The following STX17 variants were observed in gnomAD, a reference collection of about 807,000 sequenced individuals.
STX17 encodes the protein syntaxin 17.
Under a neutral mutation model 35.9 loss-of-function variants are expected in STX17, and 29 were observed. That is an observed-to-expected ratio of 0.81 (90% confidence interval 0.60 to 1.10). The LOEUF is 1.10. STX17 is among the 50% of genes least tolerant of loss of function. The pLI, the probability that STX17 is intolerant of heterozygous loss-of-function variation, is 0.00. For synonymous variants in STX17, 92 were observed against 118.3 expected (o/e 0.78, Z 1.44); for missense variants, 312 against 352.3 (o/e 0.89, Z 0.92).
chr9:99,940,193 C>T (rs1469682936), intron 3 of STX17, among the ~76,000 whole-genome samples: 2 of 151,684 alleles, frequency 1.3e-5, no homozygotes, highest in Non-Finnish European at 2.9e-5. Flanking sequence ...TTCAGTGGCA[C>T]GATCTCAGCT....
At chr9:99,958,744 G>A (rs1410309771) in intron 4 of STX17, among the ~76,000 whole-genome samples, 6 of 152,160 alleles carry the variant, frequency 3.9e-5, no homozygotes, top group Non-Finnish European at 8.8e-5. Flanking sequence ...TTTAATAAAT[G>A]TCAACTCAAT....
chr9:99,931,653 G>A (rs1193536743), intron 3 of STX17, among the ~76,000 whole-genome samples: 2 of 152,076 alleles, frequency 1.3e-5, no homozygotes, highest in African/African-American at 4.8e-5. Flanking sequence ...TACAAAGCTT[G>A]AGCTATTTAC....
intron 6 of STX17, among the ~76,000 whole-genome samples, chr9:99,961,048 G>A (rs535818845): frequency 6.6e-6 from 1 of 152,174 alleles, no homozygotes; most frequent in Non-Finnish European, 1.5e-5. Context: ...GCCTGTTCCA[G>A]ATTGACAAGT....
chr9:99,934,588 G>A (rs1173748082), intron 3 of STX17, among the ~76,000 whole-genome samples: 1 of 152,078 alleles, frequency 6.6e-6, no homozygotes, highest in African/African-American at 2.4e-5. Flanking sequence ...CTATGACTCT[G>A]GAGCCCTTAG....
At chr9:99,908,475 A>G (rs1409877399) in intron 1 of STX17, among the ~76,000 whole-genome samples, 1 of 152,160 alleles carries the variant, frequency 6.6e-6, no homozygotes. Flanking sequence ...ATTTATTTGT[A>G]TCCATGTGGA....
chr9:99,919,368 C>G (rs534943681), intron 2 of STX17, among the ~76,000 whole-genome samples: 69 of 152,244 alleles, frequency 4.5e-4, no homozygotes, highest in Middle Eastern at 3.4e-3. Flanking sequence ...ATTGGCCTCT[C>G]AAAGTGCTAG....
In STX17 at chr9:99,974,256, T is replaced by C. The variant is rs1335071282; in HGVS notation, c.*5583T>C. On this transcript the variant is annotated 3_prime_UTR_variant, in exon 8 of 8. Transcript: ENST00000259400. Reference sequence around the variant, plus strand: ...AATATTTGAGAAAGACATTCAATGGTACATGTTTTCTGTACACTTCATGAG... The same window carrying C: ...AATATTTGAGAAAGACATTCAATGGCACATGTTTTCTGTACACTTCATGAG... 3.3e-5 allele frequency among the ~76,000 whole-genome samples: 5 copies of C among 152,222 alleles called. No homozygotes were observed. The highest frequency in any genetic ancestry group is 1.2e-4 in the African/African-American group (5 of 41,456).
chr9:99,951,040 A>T lies in STX17; in HGVS notation c.190-20A>T, dbSNP rs775079821. ...CTTATACTAAGAAATGGTGGCATTA[A>T]TGATTTTTTTCTTTTATAGCAACTC... On this transcript the variant is annotated intron_variant, in intron 3 of 7. Transcript: ENST00000259400. The T allele has an allele frequency of 1.3e-6, 2 of 1,580,690 alleles. No homozygotes were observed. The highest frequency in any genetic ancestry group is 1.7e-6 in the Non-Finnish European group (2 of 1,164,152).
chr9:99,967,624 C>A, intron 6 of STX17, 29 bp from the exon 7 acceptor site: 1 of 1,605,622 alleles, frequency 6.2e-7, no homozygotes, highest in African/African-American at 1.3e-5. Context: ...CCCAGCAGGA[C>A]CGCTCACTCA....
chr9:99,933,737 G>A (rs1829172176), intron 3 of STX17, among the ~76,000 whole-genome samples: 1 of 152,036 alleles, frequency 6.6e-6, no homozygotes, highest in South Asian at 2.1e-4. Context: ...TTGAATCTGG[G>A]CAGAAGTAAA....
At chr9:99,907,714 G>A (rs1828579015) in intron 1 of STX17, among the ~76,000 whole-genome samples, 1 of 152,140 alleles carries the variant, frequency 6.6e-6, no homozygotes, top group Non-Finnish European at 1.5e-5. Flanking sequence ...AAGTAATACA[G>A]AGTTCCCTAT....
chr9:99,965,249 A>G (rs987199886), intron 6 of STX17, among the ~76,000 whole-genome samples: 19 of 149,422 alleles, frequency 1.3e-4, no homozygotes, highest in African/African-American at 4.4e-4. Context: ...AAAAATATTT[A>G]AATTATTTTA....
intron 3 of STX17, among the ~76,000 whole-genome samples, chr9:99,935,906 G>C (rs1039844135): frequency 1.3e-5 from 2 of 152,142 alleles, no homozygotes; most frequent in African/African-American, 4.8e-5. Context: ...GGTCAGTGTG[G>C]CTAGTGTGAG....
At chr9:99,956,639 G>A (rs200118759) in intron 4 of STX17, among the ~76,000 whole-genome samples, 1 of 152,150 alleles carries the variant, frequency 6.6e-6, no homozygotes. Context: ...TTGGCTATTT[G>A]CCATACTGTT....
chr9:99,936,131 C>T (rs1391491332), intron 3 of STX17, among the ~76,000 whole-genome samples: 2 of 152,040 alleles, frequency 1.3e-5, no homozygotes, highest in African/African-American at 4.8e-5. Flanking sequence ...ATGGCTATAC[C>T]ACTATACCAC....
At chr9:99,926,984 C>A (rs1167696085) in intron 2 of STX17, among the ~76,000 whole-genome samples, 1 of 152,182 alleles carries the variant, frequency 6.6e-6, no homozygotes, top group African/African-American at 2.4e-5. Context: ...AGGAATTATT[C>A]TACCTGTTCT....
intron 2 of STX17, among the ~76,000 whole-genome samples, chr9:99,919,005 A>G (rs1828839730): frequency 6.6e-6 from 1 of 152,178 alleles, no homozygotes; most frequent in Non-Finnish European, 1.5e-5. Flanking sequence ...TTTATTGTCC[A>G]GGCTTAATCT....
At chr9:99,928,412 CAATAAG>C (rs948182129) in intron 2 of STX17, among the ~76,000 whole-genome samples, 4 of 151,720 alleles carry the variant, frequency 2.6e-5, no homozygotes, top group Admixed American at 2.0e-4. Context: ...TCTTCATATA[CAATAAG>C]AATATCTTAT....
At chr9:99,921,941 A>G (rs1429260178) in intron 2 of STX17, among the ~76,000 whole-genome samples, 1 of 152,142 alleles carries the variant, frequency 6.6e-6, no homozygotes, top group East Asian at 1.9e-4. Flanking sequence ...CATTTTCCTC[A>G]GTAAAGAAGG....
Sources: allele counts gnomAD v4.1 joint callset (sites outside exome capture counted in the v4.1 genomes callset), GRCh38; gene constraint gnomAD v4.1.1; transcripts MANE v1.5; gene names NCBI Gene and HGNC (gene_info 2026-07-23, HGNC 2026-07-21).